MDM1: variants seen among roughly 807,000 people sequenced by gnomAD.
The protein encoded by MDM1 is Mdm1 nuclear protein.
MDM1 carries 61 observed loss-of-function variants against 89.1 expected under a neutral mutation model. The ratio of observed to expected loss-of-function variants is 0.68; its 90% CI spans 0.56 to 0.85. The LOEUF is 0.85. Ranked by LOEUF, MDM1 falls within the 40% of genes least tolerant of loss-of-function variation. The pLI is 0.00. For missense variants in MDM1, 820 were observed against 846.5 expected (o/e 0.97, Z 0.39); for synonymous variants, 290 against 294.1 (o/e 0.99, Z 0.14).
chr12:68,323,000 G>T, intron 5 of MDM1, 73 bp downstream of exon 5: 1 of 1,439,706 alleles, frequency 6.9e-7, no homozygotes, highest in Admixed American at 2.3e-5. Flanking sequence ...CCAGGTGGTA[G>T]TAAGTAAACG....
intron 7 of MDM1, among the ~76,000 whole-genome samples, chr12:68,317,047 TA>T (rs1207188865): frequency 6.6e-6 from 1 of 151,388 alleles, no homozygotes; most frequent in Non-Finnish European, 1.5e-5. Context: ...TTTTTTTTTT[TA>T]AAAAAGTACT....
chr12:68,313,912 C>T (rs143074913), intron 10 of MDM1, among the ~76,000 whole-genome samples, 159 bp from the exon 11 acceptor site: 9 of 152,238 alleles, frequency 5.9e-5, no homozygotes, highest in East Asian at 3.9e-4. Context: ...GAGGCCGAGG[C>T]GGGCGGATCA....
At chr12:68,313,136 C>T (rs1290353424) in intron 12 of MDM1, among the ~76,000 whole-genome samples, 4 of 152,190 alleles carry the variant, frequency 2.6e-5, no homozygotes, top group African/African-American at 4.8e-5. Context: ...ATATCCCCAG[C>T]ACTTAAAACA....
At position 68,332,273 on chromosome 12, in the gene MDM1, T is replaced by TC; in HGVS notation, c.-29dup. 1 of 1,581,012 alleles carries TC rather than the reference T, an allele frequency of 6.3e-7. No homozygotes were observed. The highest frequency in any genetic ancestry group is 1.2e-5 in the South Asian group (1 of 86,728). On this transcript the variant is annotated 5_prime_UTR_variant, in exon 1 of 15. Transcript: ENST00000682720. ...CGCCCGGCGCCGGAGCCCCCGCTAC[T>TC]CCGACAGTTAACTGGAGAAAAAGCT...
chr12:68,322,885 G>A lies in MDM1; in HGVS notation c.801+188C>T, dbSNP rs570200673. ...GCCCAAGAGCTGCTTGGGGCTATTT[G>A]CCAGCCTTGTATTCTCAGTACCAAC... On this transcript the variant is annotated intron_variant, in intron 5 of 14. Coordinates refer to ENST00000682720, the MANE Select transcript of MDM1 (RefSeq NM_001354969.2). Among the ~76,000 whole-genome samples, 3 of 152,214 alleles carry A rather than the reference G, an allele frequency of 2.0e-5. No individual in the cohort carries two copies. In the East Asian group the frequency reaches 5.8e-4, roughly 29 times the overall value.
chr12:68,302,423 T>A (rs1252490863), intron 13 of MDM1, among the ~76,000 whole-genome samples, 197 bp downstream of exon 13: 1 of 152,182 alleles, frequency 6.6e-6, no homozygotes, highest in Non-Finnish European at 1.5e-5. Flanking sequence ...CACACATATA[T>A]AACAGCAAAA....
chr12:68,326,642 A>T lies in MDM1; in HGVS notation c.498+15T>A. 6.2e-7 allele frequency: 1 copy of T among 1,614,164 alleles called. No homozygotes were observed. The highest frequency in any genetic ancestry group is 2.2e-5 in the East Asian group (1 of 44,886). ...ATTCTATGCTTTTGAAAAGAAATGC[A>T]GTGAATATGCCTACCCCATTATCTA... On this transcript the variant is annotated intron_variant, in intron 3 of 14. Transcript: ENST00000682720.
At chr12:68,320,953 T>C (rs1048829823) in intron 7 of MDM1, 2 of 158,254 alleles carry the variant, frequency 1.3e-5, no homozygotes, top group African/African-American at 4.8e-5. Context: ...CAAACTGTAA[T>C]AGTACACATT....
chr12:68,298,808 T>G (rs1193652294), intron 13 of MDM1, among the ~76,000 whole-genome samples: 1 of 152,104 alleles, frequency 6.6e-6, no homozygotes, highest in Non-Finnish European at 1.5e-5. Flanking sequence ...CCTCCCCTAA[T>G]GGCCTGAAGC....
chr12:68,312,331 C>T (rs1873808250), intron 12 of MDM1, among the ~76,000 whole-genome samples: 1 of 152,192 alleles, frequency 6.6e-6, no homozygotes, highest in South Asian at 2.1e-4. Flanking sequence ...TCTTCTCCAA[C>T]TCAGTTAAAT....
chr12:68,316,325 A>C, intron 8 of MDM1, 72 bp from the exon 9 acceptor site: 2 of 1,459,528 alleles, frequency 1.4e-6, no homozygotes, highest in Non-Finnish European at 9.3e-7. Context: ...GTAGCATATC[A>C]AAGACATTGC....
intron 7 of MDM1, 53 bp downstream of exon 7, chr12:68,321,294 T>C: frequency 3.6e-6 from 5 of 1,393,342 alleles, no homozygotes; most frequent in South Asian, 1.3e-5. Flanking sequence ...GAAATTAAAG[T>C]GTTAACAGAG....
chr12:68,322,014 G>A (rs1257163449), intron 5 of MDM1, among the ~76,000 whole-genome samples: 3 of 151,982 alleles, frequency 2.0e-5, no homozygotes, highest in Non-Finnish European at 4.4e-5. Context: ...TTACCAAATC[G>A]CTTTACTGAA....
rs563991165 is a variant in MDM1 at position 68,314,992 on chromosome 12, C to T, written c.1485G>A (p.Lys495=). The T allele has an allele frequency of 2.7e-5, 44 of 1,614,142 alleles. No homozygotes were observed. In the South Asian group the frequency reaches 4.8e-4, roughly 18 times the overall value. The change falls in exon 10 of 15, where the codon AAG becomes AAA. Residue 495 remains lysine, a synonymous_variant. Transcript: ENST00000682720. ...CCTTAGATTTCTCACGTACATCCAA[C>T]TTCTCTTGCTCTCCCATAAAAGCCT... ...GKQAFMGEQE[K]LDVREKSKAD... is the part of the protein sequence containing the mutation.
rs764986979 is a variant in MDM1 at position 68,295,378 on chromosome 12, A to G, written c.2063-12T>C. The G allele has an allele frequency of 6.4e-7, 1 of 1,550,678 alleles. No individual in the cohort carries two copies. On this transcript the variant is annotated splice_polypyrimidine_tract_variant and intron_variant, in intron 14 of 14. Transcript: ENST00000682720. ...CAATCTGTCCTCATCTGCAATGAAA[A>G]AATCCCGAGATTATATTCATTGCCA... is the stretch of plus-strand genomic sequence containing the variant.
In MDM1 at chr12:68,323,049, G is replaced by T. The variant is rs752130391; in HGVS notation, c.801+24C>A. On this transcript the variant is annotated intron_variant, in intron 5 of 14. Transcript: ENST00000682720. ...TCTAAAATAACGGGGATTTTGTTTT[G>T]TAAGGTTAAAAGTTGATGAATACCT... is the stretch of plus-strand genomic sequence containing the variant. 7 of 1,573,278 alleles carry T rather than the reference G, an allele frequency of 4.4e-6. No individual in the cohort carries two copies. In the East Asian group the frequency reaches 1.6e-4, roughly 37 times the overall value.
chr12:68,302,481 AT>A, intron 13 of MDM1, 138 bp downstream of exon 13: 1 of 793,696 alleles, frequency 1.3e-6, no homozygotes, highest in Non-Finnish European at 1.9e-6. Flanking sequence ...GAGTTTTCCT[AT>A]TTAAAGAAAT....
At chr12:68,326,319 AC>A (rs1875969497) in intron 3 of MDM1, 1 of 1,368,380 alleles carries the variant, frequency 7.3e-7, no homozygotes, top group South Asian at 1.8e-5. Flanking sequence ...TCAGCTCAGC[AC>A]CCTGCCAGAA....
chr12:68,322,511 G>T (rs1875364082), intron 5 of MDM1, among the ~76,000 whole-genome samples: 3 of 152,146 alleles, frequency 2.0e-5, no homozygotes, highest in African/African-American at 7.2e-5. Flanking sequence ...GCGTGCATCT[G>T]TAGTCCCAGC....
Sources: allele counts gnomAD v4.1 joint callset (sites outside exome capture counted in the v4.1 genomes callset), GRCh38; gene constraint gnomAD v4.1.1; transcripts MANE v1.5; gene names NCBI Gene and HGNC (gene_info 2026-07-23, HGNC 2026-07-21).